Variants in OXNAD1 observed in about 807,000 individuals in gnomAD.
OXNAD1 encodes the protein oxidoreductase NAD binding domain containing 1.
In OXNAD1, 34 loss-of-function variants were observed where a neutral mutation model predicts 32.9. The ratio of observed to expected loss-of-function variants is 1.03; its 90% CI spans 0.79 to 1.38. OXNAD1 has a LOEUF of 1.38. Among genes scored for constraint, OXNAD1 ranks in the 40% most tolerant of loss-of-function variants. The probability of loss-of-function intolerance (pLI) is 0.00; values close to 1 mark genes in which losing one functional copy is unlikely to be tolerated. For missense variants in OXNAD1, 407 were observed against 379.4 expected (o/e 1.07, Z -0.60); for synonymous variants, 134 against 135.2 (o/e 0.99, Z 0.06).
chr3:16,349,308 A>G (rs2071936591), exon 10 of OXNAD1: 2 of 152,272 alleles, frequency 1.3e-5, no homozygotes, highest in South Asian at 2.1e-4. Flanking sequence ...ACCCTAAGAT[A>G]AAAGTTGGAG....
At chr3:16,347,657 T>C (rs2071822282) in intron 9 of OXNAD1, 3 of 152,202 alleles carry the variant, frequency 2.0e-5, no homozygotes, top group African/African-American at 7.2e-5. Context: ...ACCTCCTCTC[T>C]GGAAGGAGCT....
rs1042623578 is a variant in OXNAD1, at chr3:16,344,424, C to T, written c.*31-4752C>T. Among the ~76,000 whole-genome samples the T allele has an allele frequency of 6.6e-6, 1 of 151,896 alleles. No homozygotes were observed. Among genetic ancestry groups the T allele is most frequent in the Non-Finnish European group, 1.5e-5 (1 of 68,000 alleles). ...TAAAAACAGATACATTCAGAAAAGG[C>T]GGCTCTGGTTGACACTGGCATGGGT... On this transcript the variant is annotated intron_variant, in intron 9 of 9. Transcript: ENST00000606098. This position sits in a 1 kb window ranked among gnomAD's most constrained non-coding sequence, Gnocchi z 4.4.
chr3:16,269,162 C>T lies in OXNAD1; in HGVS notation c.-122C>T. 3 of 1,510,934 alleles carry T rather than the reference C, an allele frequency of 2.0e-6. No individual in the cohort carries two copies. The highest frequency in any genetic ancestry group is 2.6e-6 in the Non-Finnish European group (3 of 1,137,348). 93.6% of individuals were successfully genotyped at this position (1,510,934 alleles called of 1,614,324 possible). ...GAATTTTAATGCATGGAAAAGCTGT[C>T]CATGTTCCAACTGCTGTACATCCAA... On this transcript the variant is annotated 5_prime_UTR_variant, in exon 2 of 9. Transcript: ENST00000285083.
At chr3:16,323,231 T>C (rs1348540782) in intron 9 of OXNAD1, 14 of 627,742 alleles carry the variant, frequency 2.2e-5, no homozygotes, top group Non-Finnish European at 3.7e-5. Flanking sequence ...TGAGATGTGA[T>C]TCGGGTTGCC....
In OXNAD1 at chr3:16,329,848, G is replaced by A. The variant is rs1323414080; in HGVS notation, c.*31-7264G>A. On this transcript the variant is annotated intron_variant, in intron 9 of 9. Transcript: ENST00000435829. The surrounding 1 kb of genome is among the most constrained non-coding windows in gnomAD (Gnocchi z 4.5). Reference sequence around the variant, plus strand: ...AAGCTTTGGCGCCTCACAAAGCCCTGAGTGGCAGAATGGAGTCCTTTTATT... The same window carrying A: ...AAGCTTTGGCGCCTCACAAAGCCCTAAGTGGCAGAATGGAGTCCTTTTATT... Among the ~76,000 whole-genome samples the A allele has an allele frequency of 6.6e-6, 1 of 152,166 alleles. No individual in the cohort carries two copies. Among genetic ancestry groups the A allele is most frequent in the Non-Finnish European group, 1.5e-5 (1 of 68,034 alleles).
chr3:16,315,828 C>T (rs999009856), intron 9 of OXNAD1: 1 of 152,170 alleles, frequency 6.6e-6, no homozygotes, highest in Admixed American at 6.5e-5. Context: ...CCTAGTGACA[C>T]GATAAACACT....
chr3:16,287,915 G>A lies in OXNAD1; in HGVS notation c.290+1467G>A, dbSNP rs1004744700. Among the ~76,000 whole-genome samples the A allele has an allele frequency of 8.5e-5, 13 of 152,236 alleles. No homozygotes were observed. The highest frequency in any genetic ancestry group is 7.2e-4 in the Admixed American group (11 of 15,294). The stretch of plus-strand genomic sequence containing the variant: ...TTCACTGAATTTAGGCCTGGTTTTC[G>A]TATGTGCCTGTCAGACTTCTTCGGA... On this transcript the variant is annotated intron_variant, in intron 5 of 8. Transcript: ENST00000285083. The surrounding 1 kb of genome is among the most constrained non-coding windows in gnomAD (Gnocchi z 4.8).
rs896462321 is a variant in OXNAD1, at chr3:16,288,134, C to T, written c.290+1686C>T. 2.0e-5 allele frequency among the ~76,000 whole-genome samples: 3 copies of T among 152,114 alleles called. No individual in the cohort carries two copies. Among genetic ancestry groups the T allele is most frequent in the African/African-American group, 7.2e-5 (3 of 41,424 alleles). ...TTATGGTCACAGAATGGCCATTTTGCTGAGGTTGGCGGTGTCTGTCCCTTC... is the reference window on the plus strand; with the variant it reads ...TTATGGTCACAGAATGGCCATTTTGTTGAGGTTGGCGGTGTCTGTCCCTTC... On this transcript the variant is annotated intron_variant, in intron 5 of 8. Coordinates refer to ENST00000285083, the MANE Select transcript of OXNAD1 (RefSeq NM_138381.5). The surrounding 1 kb of genome is among the most constrained non-coding windows in gnomAD (Gnocchi z 5.1).
rs565791420 is a variant in OXNAD1 at position 16,287,680 on chromosome 3, C to G, written c.290+1232C>G. ...TCCTGCCAAGACTCAGACCCAGCCT[C>G]CTGGTTAGGAAAAGCCTGTGCATTG... On this transcript the variant is annotated intron_variant, in intron 5 of 8. Transcript: ENST00000285083. The surrounding 1 kb of genome is among the most constrained non-coding windows in gnomAD (Gnocchi z 4.8). Among the ~76,000 whole-genome samples, 11 of 152,346 alleles carry G rather than the reference C, an allele frequency of 7.2e-5. No homozygotes were observed. The highest frequency in any genetic ancestry group is 2.4e-4 in the African/African-American group (10 of 41,578).
Position 16,329,030 on chromosome 3 carries a change from T to C in OXNAD1, c.*31-8082T>C, listed in dbSNP as rs2070020370. Among the ~76,000 whole-genome samples the C allele has an allele frequency of 6.6e-6, 1 of 152,218 alleles. No homozygotes were observed. The highest frequency in any genetic ancestry group is 6.5e-5 in the Admixed American group (1 of 15,284). On this transcript the variant is annotated intron_variant, in intron 9 of 9. Coordinates refer to the OXNAD1 transcript ENST00000435829. The surrounding 1 kb of genome is among the most constrained non-coding windows in gnomAD (Gnocchi z 4.5). ...CATGTGTTGAAAACTTAATCCCCAA[T>C]GCAATGACATTGAATGGTGAGGCCT...
Position 16,316,914 on chromosome 3 carries a change from A to G in OXNAD1, c.*30+13322A>G, listed in dbSNP as rs1166366571. On this transcript the variant is annotated intron_variant, in intron 9 of 9. Coordinates refer to the OXNAD1 transcript ENST00000435829. This position sits in a 1 kb window ranked among gnomAD's most constrained non-coding sequence, Gnocchi z 4.5. The stretch of plus-strand genomic sequence containing the variant: ...TCTCCAGGATTGGAGTGCCCAGTGC[A>G]AATCCCCACCAGGGCCCTGCTGTGG... 5.6e-6 allele frequency: 9 copies of G among 1,614,116 alleles called. No homozygotes were observed. In the Middle Eastern group the frequency reaches 6.6e-4, roughly 118 times the overall value.
Position 16,265,851 on chromosome 3 carries a change from A to C in OXNAD1, c.-159+346A>C. 1 of 985,052 alleles carries C rather than the reference A, an allele frequency of 1.0e-6. No homozygotes were observed. Among genetic ancestry groups the C allele is most frequent in the Non-Finnish European group, 1.2e-6 (1 of 829,600 alleles). The allele number at this position is 985,052 out of a possible 1,614,324, so 61.0% of individuals were successfully genotyped here. On this transcript the variant is annotated intron_variant, in intron 1 of 8. Coordinates refer to ENST00000285083, the MANE Select transcript of OXNAD1 (RefSeq NM_138381.5). The surrounding 1 kb of genome is among the most constrained non-coding windows in gnomAD (Gnocchi z 4.8). ...GTCTGTCTCCAAAGCCCAGGAACAA[A>C]TTACTTATGTGAGTACCAGTTTTTT... is the stretch of plus-strand genomic sequence containing the variant.
At chr3:16,276,687 A>G (rs1445578684) in intron 4 of OXNAD1, 1 of 152,476 alleles carries the variant, frequency 6.6e-6, no homozygotes, top group Non-Finnish European at 1.5e-5. Context: ...ACCCGGGGCC[A>G]GCAAAAGGTG....
chr3:16,350,368 C>T (rs2072013528), downstream of OXNAD1: 1 of 152,118 alleles, frequency 6.6e-6, no homozygotes, highest in African/African-American at 2.4e-5. Flanking sequence ...AAGAGATGGA[C>T]ATGAAGTATG....
chr3:16,273,231 T>G (rs1470772013), intron 4 of OXNAD1, among the ~76,000 whole-genome samples: 1 of 152,214 alleles, frequency 6.6e-6, no homozygotes, highest in East Asian at 1.9e-4. Flanking sequence ...TATTATTTAC[T>G]GTTTAGCGTC....
At position 16,342,893 on chromosome 3, in the gene OXNAD1, T is replaced by C. The variant is rs1233137364; in HGVS notation, c.*31-6283T>C. On this transcript the variant is annotated intron_variant, in intron 9 of 9. Coordinates refer to the OXNAD1 transcript ENST00000606098. The surrounding 1 kb of genome is among the most constrained non-coding windows in gnomAD (Gnocchi z 4.0). Reference sequence around the variant, plus strand: ...ATCTCCACCCCGAAGACCCACTGACTTTGAGTCTCGATCTCAGCTCACTGC... The same window carrying C: ...ATCTCCACCCCGAAGACCCACTGACCTTGAGTCTCGATCTCAGCTCACTGC... Among the ~76,000 whole-genome samples, 1 of 152,208 alleles carries C rather than the reference T, an allele frequency of 6.6e-6. No homozygotes were observed. The highest frequency in any genetic ancestry group is 2.4e-5 in the African/African-American group (1 of 41,448).
In OXNAD1 at chr3:16,344,839, G is replaced by T. The variant is rs545254434; in HGVS notation, c.*31-4337G>T. Among the ~76,000 whole-genome samples, 5 of 152,236 alleles carry T rather than the reference G, an allele frequency of 3.3e-5. 1 individual carries two copies. In the East Asian group the frequency reaches 9.6e-4, roughly 29 times the overall value. On this transcript the variant is annotated intron_variant, in intron 9 of 9. Coordinates refer to the OXNAD1 transcript ENST00000606098. This position sits in a 1 kb window ranked among gnomAD's most constrained non-coding sequence, Gnocchi z 4.4. ...TGAATTTCAAAGAACATATTTCAAG[G>T]AGTGGTAGTGAGTGAACACATAACT...
At chr3:16,285,566 G>A (rs1379405649) in intron 4 of OXNAD1, among the ~76,000 whole-genome samples, 1 of 152,184 alleles carries the variant, frequency 6.6e-6, no homozygotes, top group Non-Finnish European at 1.5e-5. Flanking sequence ...TTGAATTTGA[G>A]GGGTGTTGAG....
downstream of OXNAD1, among the ~76,000 whole-genome samples, chr3:16,307,643 A>G (rs1330894393): frequency 6.6e-6 from 1 of 152,240 alleles, no homozygotes; most frequent in Non-Finnish European, 1.5e-5. Context: ...GAAATTTACT[A>G]TAAAGAGAAG....
Sources: gnomAD v4.1 joint callset for allele counts (sites outside exome capture counted in the v4.1 genomes callset) on GRCh38, gnomAD v4.1.1 for gene constraint, Gnocchi (gnomAD v3.1) non-coding constraint, MANE v1.5 for transcripts, NCBI Gene and HGNC (gene_info 2026-07-23, HGNC 2026-07-21) for gene names.